OXCT1: variants seen among roughly 807,000 people sequenced by gnomAD.
OXCT1 encodes the protein succinyl-CoA:3-ketoacid coenzyme A transferase 1, mitochondrial.
In OXCT1, 27 loss-of-function variants were observed where a neutral mutation model predicts 69.6. The observed-to-expected ratio is 0.39, with a 90% confidence interval of 0.29 to 0.54. The LOEUF (loss-of-function observed/expected upper bound fraction) is 0.54. Among genes scored for constraint, OXCT1 ranks in the 20% least tolerant of loss-of-function variants. The probability of loss-of-function intolerance (pLI) is 0.72; values close to 1 mark genes in which losing one functional copy is unlikely to be tolerated. For missense variants in OXCT1, 437 were observed against 650.2 expected (o/e 0.67, Z 3.57); for synonymous variants, 202 against 217.8 (o/e 0.93, Z 0.64).
intron 13 of OXCT1, among the ~76,000 whole-genome samples, chr5:41,763,519 C>T (rs1367458517): frequency 1.3e-5 from 2 of 152,032 alleles, no homozygotes; most frequent in East Asian, 3.9e-4. Flanking sequence ...ACATTGATAT[C>T]GTACAAAATA....
chr5:41,862,882 C>G (rs1749807850), intron 1 of OXCT1, 132 bp from the exon 2 acceptor site: 1 of 640,394 alleles, frequency 1.6e-6, no homozygotes, highest in Non-Finnish European at 2.9e-6. Flanking sequence ...TTTTTAATTG[C>G]CAGGTAATAA....
intron 13 of OXCT1, among the ~76,000 whole-genome samples, chr5:41,771,601 C>T (rs929329381): frequency 6.6e-6 from 1 of 152,156 alleles, no homozygotes; most frequent in African/African-American, 2.4e-5. Context: ...GAGATGAAAA[C>T]AAACATCAGA....
intron 15 of OXCT1, among the ~76,000 whole-genome samples, chr5:41,745,514 A>G (rs1437441881): frequency 6.6e-6 from 1 of 152,226 alleles, no homozygotes; most frequent in African/African-American, 2.4e-5. Context: ...GAGCAAACAC[A>G]TTCAAAAGCT....
At chr5:41,801,556 T>G (rs1342570820) in intron 10 of OXCT1, among the ~76,000 whole-genome samples, 1 of 152,016 alleles carries the variant, frequency 6.6e-6, no homozygotes, top group African/African-American at 2.4e-5. Flanking sequence ...GAGGAAAAAT[T>G]TAGTACCTAC....
At chr5:41,850,817 C>G (rs1474908853) in intron 4 of OXCT1, among the ~76,000 whole-genome samples, 2 of 152,144 alleles carry the variant, frequency 1.3e-5, no homozygotes, top group Non-Finnish European at 2.9e-5. Context: ...CGATGGGTGA[C>G]TCTTCTTCCT....
At chr5:41,828,722 T>C (rs1747942216) in intron 7 of OXCT1, among the ~76,000 whole-genome samples, 1 of 152,200 alleles carries the variant, frequency 6.6e-6, no homozygotes, top group South Asian at 2.1e-4. Flanking sequence ...CTATTCATTG[T>C]CTTCAAATCA....
intron 7 of OXCT1, among the ~76,000 whole-genome samples, chr5:41,808,814 T>C (rs533693101): frequency 6.6e-6 from 1 of 152,204 alleles, no homozygotes; most frequent in South Asian, 2.1e-4. Context: ...CTTCAACTGG[T>C]TGGAACTTTC....
intron 13 of OXCT1, among the ~76,000 whole-genome samples, chr5:41,774,638 G>A (rs1164524799): frequency 1.3e-5 from 2 of 152,214 alleles, no homozygotes; most frequent in East Asian, 1.9e-4. Flanking sequence ...GCTCATGCCT[G>A]TAATCCCAGC....
At chr5:41,738,884 T>G (rs1743019670) in intron 16 of OXCT1, among the ~76,000 whole-genome samples, 1 of 152,240 alleles carries the variant, frequency 6.6e-6, no homozygotes, top group Non-Finnish European at 1.5e-5. Flanking sequence ...ATACAGGGCA[T>G]GTCTGTTTTG....
chr5:41,848,034 C>G (rs1162953585), intron 5 of OXCT1, among the ~76,000 whole-genome samples: 1 of 146,904 alleles, frequency 6.8e-6, no homozygotes, highest in Non-Finnish European at 1.5e-5. Flanking sequence ...GAAAACCCCA[C>G]TGTCTCAGCC....
chr5:41,853,614 T>C (rs1681455418), intron 3 of OXCT1, 60 bp from the exon 4 acceptor site: 3 of 1,529,794 alleles, frequency 2.0e-6, no homozygotes, highest in East Asian at 2.3e-5. Flanking sequence ...ATTACATCTT[T>C]TTAAAGAGAT....
chr5:41,772,363 A>G (rs1440105451), intron 13 of OXCT1, among the ~76,000 whole-genome samples: 1 of 143,172 alleles, frequency 7.0e-6, no homozygotes, highest in Non-Finnish European at 1.5e-5. Context: ...TAAAAAAAAC[A>G]AAAAAAAAAA....
chr5:41,752,513 G>A (rs746991163), intron 14 of OXCT1, among the ~76,000 whole-genome samples: 2 of 152,064 alleles, frequency 1.3e-5, no homozygotes, highest in Non-Finnish European at 2.9e-5. Context: ...AGCACTTTGG[G>A]AAGCTGAGGT....
intron 3 of OXCT1, among the ~76,000 whole-genome samples, chr5:41,854,320 G>A (rs1207948606): frequency 1.3e-5 from 2 of 152,150 alleles, no homozygotes; most frequent in Admixed American, 1.3e-4. Flanking sequence ...GGTATACACA[G>A]TGTTGACTTT....
chr5:41,808,081 A>C (rs1746774847), intron 7 of OXCT1, among the ~76,000 whole-genome samples: 1 of 152,100 alleles, frequency 6.6e-6, no homozygotes, highest in Non-Finnish European at 1.5e-5. Flanking sequence ...TCATTCACCA[A>C]GAATAAGGTC....
intron 7 of OXCT1, among the ~76,000 whole-genome samples, chr5:41,817,923 G>T (rs771812805): frequency 6.6e-6 from 1 of 152,184 alleles, no homozygotes; most frequent in African/African-American, 2.4e-5. Context: ...ACTGACAATG[G>T]CCTCAAATAT....
rs916384156 is a variant in OXCT1, at chr5:41,788,075, T to A, written c.1248+5928A>T. On this transcript the variant is annotated intron_variant, in intron 13 of 16. Transcript: ENST00000196371. ...GCAAAAATAATAGCGAAGTATAAGG[T>A]TTATGTCACATGCAGAATTAACTAT... Among the ~76,000 whole-genome samples, 3 of 152,230 alleles carry A rather than the reference T, an allele frequency of 2.0e-5. No homozygotes were observed. In the East Asian group the frequency reaches 5.8e-4, roughly 29 times the overall value.
Position 41,745,693 on chromosome 5 carries a change from C to T in OXCT1, c.1419+3834G>A, listed in dbSNP as rs377435499. ...AGGAAAGAGAGAAGAATCAAATAGA[C>T]GCAATAAAAAATGATAAAGGGGATA... On this transcript the variant is annotated intron_variant, in intron 15 of 16. Transcript: ENST00000196371. Among the ~76,000 whole-genome samples the T allele has an allele frequency of 5.3e-4, 80 of 151,910 alleles. 1 individual carries two copies. In the East Asian group the frequency reaches 7.6e-3, roughly 14 times the overall value.
Position 41,776,721 on chromosome 5 carries a change from G to T in OXCT1, c.1249-14521C>A, listed in dbSNP as rs193201730. Among the ~76,000 whole-genome samples the T allele has an allele frequency of 2.9e-3, 444 of 152,310 alleles. 2 individuals are homozygous for T. Among genetic ancestry groups the T allele is most frequent in the African/African-American group, 0.01 (425 of 41,576 alleles). Reference sequence around the variant, plus strand: ...GCTAGCATAACAAAGTCATGAGTTAGTCTCTGAATAAATAAGATAAATCTA... The same window carrying T: ...GCTAGCATAACAAAGTCATGAGTTATTCTCTGAATAAATAAGATAAATCTA... On this transcript the variant is annotated intron_variant, in intron 13 of 16. Transcript: ENST00000196371.
Sources: gnomAD v4.1 joint callset for allele counts (sites outside exome capture counted in the v4.1 genomes callset) on GRCh38, gnomAD v4.1.1 for gene constraint, MANE v1.5 for transcripts, NCBI Gene and HGNC (gene_info 2026-07-23, HGNC 2026-07-21) for gene names.